The following NEGR1 variants were observed in gnomAD, a reference collection of about 807,000 sequenced individuals.
NEGR1 encodes the protein neuronal growth regulator 1.
A neutral mutation model predicts 40.9 loss-of-function variants in NEGR1; 10 were observed. The ratio of observed to expected loss-of-function variants is 0.24; its 90% CI spans 0.15 to 0.42. NEGR1 has a LOEUF of 0.42. Ranked by LOEUF, NEGR1 falls within the 10% of genes least tolerant of loss-of-function variation. The pLI, the probability that NEGR1 is intolerant of heterozygous loss-of-function variation, is 1.00. For synonymous variants in NEGR1, 185 were observed against 166.8 expected (o/e 1.11, Z -0.84); for missense variants, 352 against 438.9 (o/e 0.80, Z 1.77).
chr1:72,140,962 T>C (rs915285481), intron 1 of NEGR1, among the ~76,000 whole-genome samples: 7 of 152,024 alleles, frequency 4.6e-5, no homozygotes, highest in African/African-American at 1.4e-4. Flanking sequence ...TAATATGTGT[T>C]AGATAATTTG....
At chr1:72,247,030 G>T (rs1654926247) in intron 1 of NEGR1, among the ~76,000 whole-genome samples, 1 of 152,218 alleles carries the variant, frequency 6.6e-6, no homozygotes, top group Non-Finnish European at 1.5e-5. Context: ...AATGGGAATA[G>T]CCAGGATGTA....
At position 71,777,403 on chromosome 1, in the gene NEGR1, A is replaced by G. The variant is rs557629873; in HGVS notation, c.410-1106T>C. Among the ~76,000 whole-genome samples, 326 of 152,146 alleles carry G rather than the reference A, an allele frequency of 2.1e-3. 2 individuals carry two copies. Among genetic ancestry groups the G allele is most frequent in the African/African-American group, 7.6e-3 (314 of 41,550 alleles). Reference sequence around the variant, plus strand: ...TATTAAACACATATATGGTGTTTGAATTTCATTTTAGTAGTGCTCTTTTCC... The same window carrying G: ...TATTAAACACATATATGGTGTTTGAGTTTCATTTTAGTAGTGCTCTTTTCC... On this transcript the variant is annotated intron_variant, in intron 2 of 6. Coordinates refer to ENST00000357731, the MANE Select transcript of NEGR1 (RefSeq NM_173808.3).
chr1:71,942,977 A>ATATATATATATATATATATATATATATAT (rs1557446726), intron 1 of NEGR1, among the ~76,000 whole-genome samples: 76 of 119,440 alleles, frequency 6.4e-4, no homozygotes, highest in Admixed American at 1.0e-3. Flanking sequence ...TATATATATA[A>ATATATATATATATATATATATATATATAT]GTATATATGT....
At chr1:71,781,959 C>T (rs1418196724) in intron 2 of NEGR1, among the ~76,000 whole-genome samples, 1 of 152,024 alleles carries the variant, frequency 6.6e-6, no homozygotes, top group Non-Finnish European at 1.5e-5. Context: ...GAAGAAACAG[C>T]GAAATGTACA....
chr1:71,693,945 C>A (rs1408437335), intron 4 of NEGR1, among the ~76,000 whole-genome samples: 1 of 151,686 alleles, frequency 6.6e-6, no homozygotes, highest in Non-Finnish European at 1.5e-5. Context: ...CTAAATTTTT[C>A]AAATTCTATA....
chr1:71,846,616 T>C lies in NEGR1; in HGVS notation c.410-70319A>G, dbSNP rs542397146. 2.0e-5 allele frequency among the ~76,000 whole-genome samples: 3 copies of C among 152,298 alleles called. No individual in the cohort carries two copies. In the East Asian group the frequency reaches 5.8e-4, roughly 29 times the overall value. Reference sequence around the variant, plus strand: ...GTTCTCTCTTTTCTTTACCACCCTATATATTGTCTTAGTCCATTCAGGCTG... The same window carrying C: ...GTTCTCTCTTTTCTTTACCACCCTACATATTGTCTTAGTCCATTCAGGCTG... On this transcript the variant is annotated intron_variant, in intron 2 of 6. Coordinates refer to ENST00000357731, the MANE Select transcript of NEGR1 (RefSeq NM_173808.3).
At chr1:71,930,769 C>T (rs1219784601) in intron 2 of NEGR1, among the ~76,000 whole-genome samples, 3 of 152,108 alleles carry the variant, frequency 2.0e-5, no homozygotes, top group African/African-American at 7.2e-5. Flanking sequence ...TGATCAGCCG[C>T]TGGGGACGGA....
chr1:72,126,498 C>T (rs776527730), intron 1 of NEGR1, among the ~76,000 whole-genome samples: 32 of 152,214 alleles, frequency 2.1e-4, no homozygotes, highest in Non-Finnish European at 4.0e-4. Context: ...AGAAAGCACA[C>T]TCAGTAGAAG....
intron 2 of NEGR1, among the ~76,000 whole-genome samples, chr1:71,924,975 C>T (rs557132284): frequency 3.3e-5 from 5 of 151,538 alleles, no homozygotes; most frequent in South Asian, 2.1e-4. Flanking sequence ...TTAAGCAAAA[C>T]GATTGGCATG....
chr1:71,588,485 T>G (rs1000131316), intron 6 of NEGR1, among the ~76,000 whole-genome samples: 6 of 152,118 alleles, frequency 3.9e-5, no homozygotes, highest in Non-Finnish European at 8.8e-5. Flanking sequence ...GGACAGAGAA[T>G]CTAGAGGATG....
chr1:72,138,950 T>C (rs777933721), intron 1 of NEGR1, among the ~76,000 whole-genome samples: 7 of 151,982 alleles, frequency 4.6e-5, no homozygotes, highest in Non-Finnish European at 1.0e-4. Flanking sequence ...ATATTCTGGG[T>C]CATAAAAATG....
In NEGR1 at chr1:71,407,284, G is replaced by C; in HGVS notation, c.*162C>G. 1.8e-6 allele frequency: 1 copy of C among 568,778 alleles called. No homozygotes were observed. Among genetic ancestry groups the C allele is most frequent in the Non-Finnish European group, 3.1e-6 (1 of 319,228 alleles). The allele number at this position is 568,778 out of a possible 1,614,324, so 35.2% of individuals were successfully genotyped here. On this transcript the variant is annotated 3_prime_UTR_variant, in exon 7 of 7. Transcript: ENST00000357731. Reference sequence around the variant, plus strand: ...TAATGTAGCTAATCAAAAAAGAGTAGAATTAAAGTATTTACATAATGAGCA... The same window carrying C: ...TAATGTAGCTAATCAAAAAAGAGTACAATTAAAGTATTTACATAATGAGCA...
At chr1:71,843,152 A>G (rs890165858) in intron 2 of NEGR1, among the ~76,000 whole-genome samples, 66 of 152,174 alleles carry the variant, frequency 4.3e-4, no homozygotes, top group African/African-American at 1.5e-3. Flanking sequence ...ACTTTGATTA[A>G]AGAGGACATC....
chr1:71,973,320 G>GA (rs35734264), intron 1 of NEGR1, among the ~76,000 whole-genome samples: 2,812 of 101,596 alleles, frequency 0.028, 76 homozygotes, highest in African/African-American at 0.071. Flanking sequence ...CAACTCAAAA[G>GA]AAAAAAAAAA....
At chr1:71,571,390 TAGC>T (rs1288383892) in intron 6 of NEGR1, among the ~76,000 whole-genome samples, 1 of 152,184 alleles carries the variant, frequency 6.6e-6, no homozygotes, top group African/African-American at 2.4e-5. Flanking sequence ...TAAAAATAAA[TAGC>T]AGTTTTCTAT....
At chr1:71,779,026 C>A (rs1461446985) in intron 2 of NEGR1, among the ~76,000 whole-genome samples, 3 of 151,884 alleles carry the variant, frequency 2.0e-5, no homozygotes, top group African/African-American at 7.3e-5. Flanking sequence ...CCTTCCAGGG[C>A]CTCATAATTC....
At chr1:71,629,522 G>A (rs751916899) in intron 4 of NEGR1, among the ~76,000 whole-genome samples, 3 of 151,776 alleles carry the variant, frequency 2.0e-5, no homozygotes, top group Non-Finnish European at 4.4e-5. Context: ...CTCATGATTC[G>A]GCTTTCTGTT....
chr1:71,757,901 T>TA (rs1372898161), intron 3 of NEGR1, among the ~76,000 whole-genome samples: 8 of 152,104 alleles, frequency 5.3e-5, no homozygotes, highest in Non-Finnish European at 8.8e-5. Flanking sequence ...AACTTCTACG[T>TA]AAAAAATGAA....
intron 2 of NEGR1, among the ~76,000 whole-genome samples, chr1:71,842,576 A>G (rs1471507355): frequency 1.3e-5 from 2 of 152,178 alleles, no homozygotes; most frequent in Non-Finnish European, 2.9e-5. Flanking sequence ...ATACTGTTAA[A>G]CATGTCTTCC....
Sources: allele counts gnomAD v4.1 joint callset (sites outside exome capture counted in the v4.1 genomes callset), GRCh38; gene constraint gnomAD v4.1.1; transcripts MANE v1.5; gene names NCBI Gene and HGNC (gene_info 2026-07-23, HGNC 2026-07-21).